Variants in GRID2 observed in about 807,000 individuals in gnomAD.
GRID2 encodes the protein glutamate ionotropic receptor delta type subunit 2, also known as glutamate receptor ionotropic, delta-2.
In GRID2, 33 loss-of-function variants were observed where a neutral mutation model predicts 114.8. The observed-to-expected ratio is 0.29, with a 90% CI of 0.22 to 0.38. The LOEUF (loss-of-function observed/expected upper bound fraction) is 0.38. GRID2 is among the 10% of genes least tolerant of loss of function. GRID2 has a pLI of 1.00. For synonymous variants in GRID2, 505 were observed against 449.9 expected, an observed-to-expected ratio of 1.12 and a Z score of -1.55; for missense variants, 1,184 against 1,257.7, an observed-to-expected ratio of 0.94 and a Z score of 0.89.
chr4:92,968,448 G>A (rs1205131178), intron 2 of GRID2, among the ~76,000 whole-genome samples: 1 of 151,642 alleles, frequency 6.6e-6, no homozygotes, highest in East Asian at 1.9e-4. Flanking sequence ...AAGCTATTAG[G>A]CTACCTAAAT....
intron 1 of GRID2, among the ~76,000 whole-genome samples, chr4:92,466,256 T>A (rs1297224855): frequency 6.6e-6 from 1 of 151,884 alleles, no homozygotes; most frequent in Non-Finnish European, 1.5e-5. Flanking sequence ...CACTAGCTAT[T>A]TGAAACTATA....
chr4:93,326,700 T>A (rs1379959235), intron 8 of GRID2, among the ~76,000 whole-genome samples: 4 of 152,134 alleles, frequency 2.6e-5, no homozygotes, highest in Non-Finnish European at 5.9e-5. Flanking sequence ...CTTTATATGC[T>A]TTTGATCCCA....
chr4:93,256,706 G>A lies in GRID2; in HGVS notation c.1245+18216G>A, dbSNP rs570618513. Among the ~76,000 whole-genome samples the A allele has an allele frequency of 1.1e-4, 16 of 151,966 alleles. No homozygotes were observed. In the South Asian group the frequency reaches 3.1e-3, roughly 30 times the overall value. ...ATATGGATATAGACATCATCCACTT[G>A]AGAAAAGAAAGATAAATAAATGTAA... On this transcript the variant is annotated intron_variant, in intron 8 of 15. Transcript: ENST00000282020.
At chr4:93,676,729 T>A (rs1578539032) in intron 14 of GRID2, among the ~76,000 whole-genome samples, 1 of 108,386 alleles carries the variant, frequency 9.2e-6, no homozygotes, top group African/African-American at 3.5e-5. Flanking sequence ...ATAATAATAA[T>A]GAAATTAAAA....
At chr4:93,449,969 A>G (rs895688136) in intron 10 of GRID2, among the ~76,000 whole-genome samples, 3 of 151,958 alleles carry the variant, frequency 2.0e-5, no homozygotes, top group African/African-American at 7.2e-5. Context: ...ATTGCATAAG[A>G]CTTTGTGGGC....
At chr4:92,736,758 C>T (rs567386681) in intron 2 of GRID2, among the ~76,000 whole-genome samples, 4 of 151,998 alleles carry the variant, frequency 2.6e-5, no homozygotes, top group South Asian at 2.1e-4. Flanking sequence ...AACATTTCAA[C>T]GTTTTTCTTC....
chr4:92,373,272 T>A (rs1490978321), intron 1 of GRID2, among the ~76,000 whole-genome samples: 1 of 152,204 alleles, frequency 6.6e-6, no homozygotes. Context: ...GTCATTTTCG[T>A]AGTTTGCACA....
intron 1 of GRID2, among the ~76,000 whole-genome samples, chr4:92,473,019 C>G (rs1191372348): frequency 6.6e-6 from 1 of 151,920 alleles, no homozygotes; most frequent in Non-Finnish European, 1.5e-5. Context: ...TATTTCTAGA[C>G]ATTTCATAGT....
intron 2 of GRID2, among the ~76,000 whole-genome samples, chr4:92,594,756 T>A (rs1334329231): frequency 6.6e-6 from 1 of 152,012 alleles, no homozygotes; most frequent in Non-Finnish European, 1.5e-5. Flanking sequence ...CTTTTTATTT[T>A]CTCTTATAAA....
chr4:93,644,572 A>T (rs1345723286), intron 14 of GRID2, among the ~76,000 whole-genome samples: 2 of 152,136 alleles, frequency 1.3e-5, no homozygotes, highest in African/African-American at 4.8e-5. Flanking sequence ...CCCTAAAAAA[A>T]CCATCGTGGC....
At chr4:92,566,664 C>G (rs1313581650) in intron 1 of GRID2, among the ~76,000 whole-genome samples, 1 of 151,914 alleles carries the variant, frequency 6.6e-6, no homozygotes, top group East Asian at 1.9e-4. Context: ...CTAATTTACA[C>G]TATGTAAAGG....
rs186271820 is a variant in GRID2 at position 92,556,867 on chromosome 4, G to A, written c.89-33264G>A. ...AGATACAAATCAATAGGCTCGAGGT[G>A]AGGGGATTACACAAGGACAAGGATA... On this transcript the variant is annotated intron_variant, in intron 1 of 15. Coordinates refer to ENST00000282020, the MANE Select transcript of GRID2 (RefSeq NM_001510.4). Among the ~76,000 whole-genome samples, 116 of 152,260 alleles carry A rather than the reference G, an allele frequency of 7.6e-4. No individual in the cohort carries two copies. In the Middle Eastern group the frequency reaches 0.02, roughly 27 times the overall value.
At chr4:93,097,434 TA>T (rs978486746) in intron 3 of GRID2, among the ~76,000 whole-genome samples, 4 of 151,670 alleles carry the variant, frequency 2.6e-5, no homozygotes, top group Non-Finnish European at 4.4e-5. Context: ...TACTGAGTCA[TA>T]AAAAAAAGGT....
intron 1 of GRID2, among the ~76,000 whole-genome samples, chr4:92,355,179 AG>A (rs1288417001): frequency 2.6e-5 from 4 of 151,808 alleles, no homozygotes; most frequent in African/African-American, 9.7e-5. Flanking sequence ...AGCTCCTTTA[AG>A]TTGGAGATGT....
intron 2 of GRID2, among the ~76,000 whole-genome samples, chr4:92,730,324 G>A (rs954211051): frequency 4.0e-5 from 6 of 151,658 alleles, no homozygotes; most frequent in East Asian, 1.9e-4. Context: ...AGGAAGCTTC[G>A]TTTTTTTCTC....
intron 11 of GRID2, among the ~76,000 whole-genome samples, chr4:93,467,507 A>G (rs1038714632): frequency 6.6e-6 from 1 of 152,206 alleles, no homozygotes; most frequent in African/African-American, 2.4e-5. Flanking sequence ...TGTTGATGGC[A>G]TTCTCTTCTA....
intron 8 of GRID2, among the ~76,000 whole-genome samples, chr4:93,339,347 G>C (rs942494512): frequency 1.3e-5 from 2 of 152,070 alleles, no homozygotes; most frequent in African/African-American, 4.8e-5. Flanking sequence ...TAATATGACT[G>C]GTGTCCTTGT....
At chr4:92,576,926 C>G (rs1342160589) in intron 1 of GRID2, among the ~76,000 whole-genome samples, 1 of 152,130 alleles carries the variant, frequency 6.6e-6, no homozygotes, top group African/African-American at 2.4e-5. Flanking sequence ...AATATGATAA[C>G]ATCTTGTCTC....
At chr4:92,762,456 A>G (rs918797037) in intron 2 of GRID2, among the ~76,000 whole-genome samples, 2 of 152,090 alleles carry the variant, frequency 1.3e-5, no homozygotes, top group African/African-American at 4.8e-5. Context: ...ATTAAAAAAA[A>G]AAAACATTTT....
Sources: gnomAD v4.1 joint callset for allele counts (sites outside exome capture counted in the v4.1 genomes callset) on GRCh38, gnomAD v4.1.1 for gene constraint, MANE v1.5 for transcripts, NCBI Gene and HGNC (gene_info 2026-07-23, HGNC 2026-07-21) for gene names.